Variants in RNF216 observed in about 807,000 individuals in gnomAD.
RNF216 encodes ring finger protein 216, also known as E3 ubiquitin-protein ligase RNF216.
In RNF216, 72 loss-of-function variants were observed where a neutral mutation model predicts 110.8. The ratio of observed to expected loss-of-function variants is 0.65; its 90% CI spans 0.54 to 0.79. RNF216 has a LOEUF of 0.79. Among genes scored for constraint, RNF216 ranks in the 30% least tolerant of loss-of-function variants. The pLI is 0.00. For missense variants in RNF216, 1,342 were observed against 1,141.2 expected, an observed-to-expected ratio of 1.18 and a Z score of -2.54; for synonymous variants, 495 against 407.5, an observed-to-expected ratio of 1.21 and a Z score of -2.59.
intron 13 of RNF216, among the ~76,000 whole-genome samples, chr7:5,706,619 C>G (rs180911797): frequency 6.6e-6 from 1 of 152,192 alleles, no homozygotes; most frequent in African/African-American, 2.4e-5. Context: ...CATCTGTTGA[C>G]GAACATGTCA....
chr7:5,750,491 C>T (rs1381667984), intron 3 of RNF216, among the ~76,000 whole-genome samples: 2 of 152,196 alleles, frequency 1.3e-5, no homozygotes, highest in Non-Finnish European at 2.9e-5. Flanking sequence ...AAGAAAACTC[C>T]AGTATGCCTG....
chr7:5,741,762 C>T lies in RNF216; in HGVS notation c.255G>A (p.Trp85Ter). Residue 85 changes from tryptophan to a stop codon, truncating the protein, a stop_gained, in exon 4 of 17, where the codon TGG becomes TGA. Transcript: ENST00000389902. LOFTEE classifies it high-confidence loss of function. ...RPNLIKPAAQ[W>*]QDLKRLGEER... ...CTTCTCCCAACCTTTTCAGATCTTGCCACTGGGCAGCTGGTTTGATGAGAT... is the reference window on the plus strand; with the variant it reads ...CTTCTCCCAACCTTTTCAGATCTTGTCACTGGGCAGCTGGTTTGATGAGAT... 1 of 1,614,140 alleles carries T rather than the reference C, an allele frequency of 6.2e-7. No individual in the cohort carries two copies.
intron 4 of RNF216, chr7:5,739,764 G>A: frequency 2.6e-6 from 1 of 385,340 alleles, no homozygotes; most frequent in Admixed American, 3.0e-5. Context: ...ACTTTGGGAG[G>A]TCGAGGCAGG....
intron 5 of RNF216, among the ~76,000 whole-genome samples, chr7:5,733,858 G>A (rs1190248611): frequency 6.6e-6 from 1 of 152,094 alleles, no homozygotes; most frequent in Non-Finnish European, 1.5e-5. Flanking sequence ...AGTTGTTAAA[G>A]CAATTCACAC....
chr7:5,772,005 G>A (rs532967603), intron 1 of RNF216, among the ~76,000 whole-genome samples: 39 of 152,114 alleles, frequency 2.6e-4, no homozygotes, highest in African/African-American at 3.4e-4. Context: ...AGGCCGAGGC[G>A]GGTGGATCAC....
At chr7:5,736,762 C>T (rs1373064053) in intron 5 of RNF216, among the ~76,000 whole-genome samples, 3 of 152,230 alleles carry the variant, frequency 2.0e-5, no homozygotes, top group African/African-American at 7.2e-5. Flanking sequence ...AGCGCCTCTG[C>T]CAGGCTGCGA....
At chr7:5,732,137 C>T (rs576204232) in intron 5 of RNF216, among the ~76,000 whole-genome samples, 1 of 152,310 alleles carries the variant, frequency 6.6e-6, no homozygotes, top group East Asian at 1.9e-4. Flanking sequence ...CAGAGGGCGA[C>T]AAGAATTCAG....
At chr7:5,747,056 A>G (rs537522799) in intron 3 of RNF216, among the ~76,000 whole-genome samples, 15 of 152,304 alleles carry the variant, frequency 9.8e-5, no homozygotes, top group Non-Finnish European at 1.8e-4. Context: ...TACTGCTCCC[A>G]TTTTACCTGA....
chr7:5,741,945 C>T, intron 3 of RNF216, 130 bp from the exon 4 acceptor site: 1 of 886,196 alleles, frequency 1.1e-6, no homozygotes. Flanking sequence ...AATACCTATT[C>T]TTTACATTTA....
intron 1 of RNF216, among the ~76,000 whole-genome samples, chr7:5,762,242 G>A (rs1010575425): frequency 6.6e-6 from 1 of 152,114 alleles, no homozygotes; most frequent in Non-Finnish European, 1.5e-5. Context: ...AAAAAATACA[G>A]CCAGGCGTGG....
chr7:5,768,665 G>GTTT (rs550374815), intron 1 of RNF216, among the ~76,000 whole-genome samples: 4 of 141,064 alleles, frequency 2.8e-5, no homozygotes, highest in Non-Finnish European at 1.5e-5. Flanking sequence ...AAGCAACTTT[G>GTTT]TTTTTTTTTT....
At chr7:5,776,556 C>A (rs541798909) in intron 1 of RNF216, among the ~76,000 whole-genome samples, 12 of 137,886 alleles carry the variant, frequency 8.7e-5, no homozygotes, top group South Asian at 2.3e-4. Context: ...GATCGGGCCA[C>A]TGCACTCTAG....
intron 1 of RNF216, 113 bp downstream of exon 1, chr7:5,781,428 G>C (rs1395635098): frequency 9.2e-6 from 1 of 108,842 alleles, no homozygotes; most frequent in Non-Finnish European, 1.9e-5. Context: ...CGGCCCTCAC[G>C]GCCCGCGCCC....
chr7:5,684,774 A>G lies in RNF216; in HGVS notation c.2061+26987T>C, dbSNP rs549985977. ...ACCTCACATATAGTTAGGAAAAACA[A>G]AACTTTACCTTTACAGAGTTCTTTC... On this transcript the variant is annotated intron_variant, in intron 13 of 16. Coordinates refer to ENST00000389902, the MANE Select transcript of RNF216 (RefSeq NM_207111.4). Among the ~76,000 whole-genome samples the G allele has an allele frequency of 3.9e-5, 6 of 152,304 alleles. No individual in the cohort carries two copies. In the East Asian group the frequency reaches 1.2e-3, roughly 29 times the overall value.
chr7:5,637,045 C>G (rs568394908), intron 15 of RNF216, among the ~76,000 whole-genome samples: 1 of 152,226 alleles, frequency 6.6e-6, no homozygotes, highest in South Asian at 2.1e-4. Flanking sequence ...CCCTTTGTCT[C>G]TAGAGATGAA....
At chr7:5,625,526 C>T (rs141182966) in intron 15 of RNF216, among the ~76,000 whole-genome samples, 17 of 152,292 alleles carry the variant, frequency 1.1e-4, no homozygotes, top group Non-Finnish European at 2.4e-4. Flanking sequence ...GCAGCCCCAT[C>T]GAGGGCTAAC....
chr7:5,719,212 C>T (rs1360815770), intron 9 of RNF216, among the ~76,000 whole-genome samples: 1 of 151,992 alleles, frequency 6.6e-6, no homozygotes, highest in East Asian at 1.9e-4. Flanking sequence ...GAAACCCAGG[C>T]TCTACAAAAA....
chr7:5,733,408 T>C (rs1356577057), intron 5 of RNF216, among the ~76,000 whole-genome samples: 8 of 152,198 alleles, frequency 5.3e-5, no homozygotes, highest in Non-Finnish European at 1.2e-4. Flanking sequence ...AAGGTATCAA[T>C]TTGATTACGT....
At chr7:5,705,351 A>G (rs1259224668) in intron 13 of RNF216, among the ~76,000 whole-genome samples, 1 of 152,226 alleles carries the variant, frequency 6.6e-6, no homozygotes, top group Non-Finnish European at 1.5e-5. Context: ...ATAGTGGTCC[A>G]AACCAGACAC....
Sources: gnomAD v4.1 joint callset for allele counts (sites outside exome capture counted in the v4.1 genomes callset) on GRCh38, gnomAD v4.1.1 for gene constraint, MANE v1.5 for transcripts, NCBI Gene and HGNC (gene_info 2026-07-23, HGNC 2026-07-21) for gene names.